PHAF1: variants seen among roughly 807,000 people sequenced by gnomAD.
PHAF1 encodes phagosome assembly factor 1.
PHAF1 carries 23 observed loss-of-function variants against 63.1 expected under a neutral mutation model. That is an observed-to-expected ratio of 0.36 (90% CI 0.26 to 0.52). The LOEUF is 0.52. Ranked by LOEUF, PHAF1 falls within the 20% of genes least tolerant of loss-of-function variation. The pLI, the probability that PHAF1 is intolerant of heterozygous loss-of-function variation, is 0.93. For synonymous variants in PHAF1, 167 were observed against 185.0 expected, an observed-to-expected ratio of 0.90 and a Z score of 0.79; for missense variants, 427 against 517.2, an observed-to-expected ratio of 0.83 and a Z score of 1.69.
chr16:67,134,718 C>T (rs761389448), intron 8 of PHAF1: 15 of 589,414 alleles, frequency 2.5e-5, no homozygotes, highest in South Asian at 1.4e-4. Flanking sequence ...AACTTCTCCC[C>T]GTATCCTCAT....
Position 67,141,356 on chromosome 16 carries a change from C to T in PHAF1, c.879+762C>T, listed in dbSNP as rs1351230773. 4.6e-5 allele frequency among the ~76,000 whole-genome samples: 7 copies of T among 152,340 alleles called. No individual in the cohort carries two copies. The East Asian group carries it at 1.3e-3, about 29-fold the overall frequency. ...AGGATGGCGGCAGGAGGGAACAGTG[C>T]TGTTGCAGCTGGACCTCTGGTTCAA... On this transcript the variant is annotated intron_variant, in intron 10 of 15. Transcript: ENST00000219139.
At chr16:67,144,502 A>C (rs766523390) in intron 11 of PHAF1, 126 bp downstream of exon 11, 113 of 724,520 alleles carry the variant, frequency 1.6e-4, no homozygotes, top group Non-Finnish European at 2.4e-4. Context: ...TTTCATGGGA[A>C]GTGAATTTCC....
chr16:67,120,997 G>A (rs1962946004), intron 2 of PHAF1, among the ~76,000 whole-genome samples: 1 of 152,170 alleles, frequency 6.6e-6, no homozygotes, highest in African/African-American at 2.4e-5. Flanking sequence ...TATACCCAGA[G>A]ATTACATTCT....
At chr16:67,130,336 C>T (rs1404767211) in intron 3 of PHAF1, among the ~76,000 whole-genome samples, 4 of 143,548 alleles carry the variant, frequency 2.8e-5, no homozygotes, top group Non-Finnish European at 6.0e-5. Context: ...CGTGAGCCAC[C>T]GTGCCCGGCC....
intron 1 of PHAF1, among the ~76,000 whole-genome samples, chr16:67,117,488 G>C (rs1962784952): frequency 6.6e-6 from 1 of 151,210 alleles, no homozygotes; most frequent in African/African-American, 2.4e-5. Flanking sequence ...TTAAGAGTTA[G>C]ATATTCAGGC....
intron 15 of PHAF1, among the ~76,000 whole-genome samples, chr16:67,146,573 G>A (rs1277337615): frequency 1.3e-5 from 2 of 152,240 alleles, no homozygotes; most frequent in Non-Finnish European, 2.9e-5. Flanking sequence ...CGAAGCAGTG[G>A]TCTGTGTCCA....
intron 8 of PHAF1, among the ~76,000 whole-genome samples, chr16:67,137,411 T>G (rs2145876292): frequency 6.6e-6 from 1 of 152,172 alleles, no homozygotes; most frequent in African/African-American, 2.4e-5. Context: ...CTCTGCCTCC[T>G]GGGTTAAAGC....
rs60445297 is a variant in PHAF1, at chr16:67,126,595, G to GTTTT, written c.231+567_231+570dup. 2.8e-3 allele frequency among the ~76,000 whole-genome samples: 369 copies of GTTTT among 134,070 alleles called. 2 individuals carry two copies. Among genetic ancestry groups the GTTTT allele is most frequent in the African/African-American group, 9.0e-3 (322 of 35,758 alleles). 88.0% of individuals were successfully genotyped at this position (134,070 alleles called of 152,430 possible). A position where few individuals can be genotyped will look rare whatever the true frequency, so the allele number is the denominator to read the frequency against. On this transcript the variant is annotated intron_variant, in intron 3 of 15. Transcript: ENST00000219139. ...CTGGTTTTCTTTGTTTTTGTTTTTG[G>GTTTT]TTTTTTTTTTTTTTTTTGAGATGAG...
chr16:67,127,159 C>T (rs1963226490), intron 3 of PHAF1, among the ~76,000 whole-genome samples: 1 of 152,188 alleles, frequency 6.6e-6, no homozygotes, highest in South Asian at 2.1e-4. Context: ...TGAGCCACCG[C>T]ACCCAGTTCA....
intron 14 of PHAF1, among the ~76,000 whole-genome samples, 188 bp from the exon 15 acceptor site, chr16:67,146,090 G>A (rs948399032): frequency 6.6e-6 from 1 of 152,136 alleles, no homozygotes; most frequent in African/African-American, 2.4e-5. Context: ...GGCTCTGTAT[G>A]TATAATTCTG....
Position 67,126,060 on chromosome 16 carries a change from C to G in PHAF1, c.231+18C>G, listed in dbSNP as rs780352188. On this transcript the variant is annotated intron_variant, in intron 3 of 15. Transcript: ENST00000219139. The stretch of plus-strand genomic sequence containing the variant: ...GACTTAAGGTAACTATAAATGACAA[C>G]TAATGTTTCATGTCCAGCTGGGCCA... 6.4e-7 allele frequency: 1 copy of G among 1,573,552 alleles called. No homozygotes were observed. The highest frequency in any genetic ancestry group is 1.1e-5 in the South Asian group (1 of 90,314).
At chr16:67,118,507 T>C (rs1962844028) in intron 1 of PHAF1, among the ~76,000 whole-genome samples, 1 of 151,468 alleles carries the variant, frequency 6.6e-6, no homozygotes, top group Non-Finnish European at 1.5e-5. Context: ...TGGCTAATTT[T>C]TGCATTTTTA....
At chr16:67,133,377 G>A (rs528418368) in intron 6 of PHAF1, among the ~76,000 whole-genome samples, 7 of 152,016 alleles carry the variant, frequency 4.6e-5, no homozygotes, top group South Asian at 2.1e-4. Flanking sequence ...AAAACTGACC[G>A]GGCATGGTGG....
intron 1 of PHAF1, among the ~76,000 whole-genome samples, chr16:67,112,148 C>T (rs1022510409): frequency 6.6e-6 from 1 of 152,008 alleles, no homozygotes; most frequent in African/African-American, 2.4e-5. Context: ...GATCCTCCCA[C>T]GGCTGGATAA....
intron 1 of PHAF1, among the ~76,000 whole-genome samples, chr16:67,117,065 C>G (rs575045533): frequency 1.3e-4 from 20 of 151,994 alleles, no homozygotes; most frequent in Admixed American, 7.2e-4. Context: ...CGGAGTGTCA[C>G]TCTGTCGCCA....
chr16:67,117,816 T>C (rs1962800868), intron 1 of PHAF1, among the ~76,000 whole-genome samples: 1 of 150,988 alleles, frequency 6.6e-6, no homozygotes, highest in Non-Finnish European at 1.5e-5. Context: ...TTGCTTTTTT[T>C]TTTTTTTTCC....
chr16:67,116,160 G>T (rs934130385), intron 1 of PHAF1, among the ~76,000 whole-genome samples: 1 of 152,196 alleles, frequency 6.6e-6, no homozygotes, highest in African/African-American at 2.4e-5. Flanking sequence ...AATGGCAAAG[G>T]TGAGGGATGC....
chr16:67,131,486 T>G (rs1311912852), intron 4 of PHAF1, among the ~76,000 whole-genome samples, 157 bp downstream of exon 4: 2 of 152,204 alleles, frequency 1.3e-5, no homozygotes, highest in East Asian at 3.8e-4. Flanking sequence ...CTCAGTTTCC[T>G]GGAGAAGAGA....
intron 1 of PHAF1, among the ~76,000 whole-genome samples, chr16:67,119,565 A>G (rs928393396): frequency 4.0e-5 from 6 of 149,794 alleles, no homozygotes; most frequent in East Asian, 2.0e-4. Context: ...TCTGTTGCCC[A>G]GGCCGAGTGC....
Sources: allele counts gnomAD v4.1 joint callset (sites outside exome capture counted in the v4.1 genomes callset), GRCh38; gene constraint gnomAD v4.1.1; transcripts MANE v1.5; gene names NCBI Gene and HGNC (gene_info 2026-07-23, HGNC 2026-07-21).